The following GALNT17 variants were observed in gnomAD, a reference collection of about 807,000 sequenced individuals.
GALNT17 encodes the protein UDP-GalNAc:polypeptide N-acetylgalactosaminyltransferase-like 3.
In GALNT17, 29 loss-of-function variants were observed where a neutral mutation model predicts 63.7. The observed-to-expected ratio is 0.46, with a 90% confidence interval of 0.34 to 0.62. GALNT17 has a LOEUF of 0.62. Among genes scored for constraint, GALNT17 ranks in the 20% least tolerant of loss-of-function variants. GALNT17 has a pLI of 0.01. For synonymous variants in GALNT17, 305 were observed against 318.3 expected, an observed-to-expected ratio of 0.96 and a Z score of 0.45; for missense variants, 603 against 799.6, an observed-to-expected ratio of 0.75 and a Z score of 2.97.
chr7:71,342,991 A>G (rs181249503), intron 2 of GALNT17, among the ~76,000 whole-genome samples: 1 of 152,338 alleles, frequency 6.6e-6, no homozygotes, highest in Non-Finnish European at 1.5e-5. Flanking sequence ...TCTGGCCACT[A>G]TGTGTTGGGT....
At chr7:71,662,320 A>ATCTG (rs1279445561) in intron 6 of GALNT17, among the ~76,000 whole-genome samples, 10 of 150,630 alleles carry the variant, frequency 6.6e-5, no homozygotes, top group African/African-American at 1.9e-4. Flanking sequence ...CTCTCTGTTT[A>ATCTG]TCTATCTATC....
At chr7:71,479,194 T>A (rs1787773464) in intron 5 of GALNT17, among the ~76,000 whole-genome samples, 1 of 151,948 alleles carries the variant, frequency 6.6e-6, no homozygotes, top group Admixed American at 6.6e-5. Context: ...GGATTCAGAA[T>A]CAGTAGCTTT....
At chr7:71,614,730 GAAA>G (rs1790173392) in intron 6 of GALNT17, among the ~76,000 whole-genome samples, 1 of 150,446 alleles carries the variant, frequency 6.6e-6, no homozygotes, top group Non-Finnish European at 1.5e-5. Context: ...GAAACAGAAA[GAAA>G]AAGAAGTGGA....
chr7:71,466,872 A>C (rs1787544487), intron 5 of GALNT17, among the ~76,000 whole-genome samples: 1 of 152,086 alleles, frequency 6.6e-6, no homozygotes, highest in African/African-American at 2.4e-5. Context: ...ACAGTGATTT[A>C]TGTTTTTGCC....
chr7:71,356,774 T>C (rs1792294297), intron 2 of GALNT17, among the ~76,000 whole-genome samples: 1 of 152,146 alleles, frequency 6.6e-6, no homozygotes, highest in Non-Finnish European at 1.5e-5. Flanking sequence ...ATATAAATTC[T>C]GCAGTGAGCA....
At chr7:71,578,576 A>G (rs1472902795) in intron 6 of GALNT17, among the ~76,000 whole-genome samples, 1 of 152,108 alleles carries the variant, frequency 6.6e-6, no homozygotes, top group Non-Finnish European at 1.5e-5. Flanking sequence ...TCCTGACCTC[A>G]AGGGACTGTT....
chr7:71,484,013 G>A (rs1207526945), intron 5 of GALNT17, among the ~76,000 whole-genome samples: 4 of 151,996 alleles, frequency 2.6e-5, no homozygotes, highest in Admixed American at 6.6e-5. Flanking sequence ...AATAACACAC[G>A]CATGGAGCTG....
intron 1 of GALNT17, chr7:71,284,676 C>G (rs1469739983): frequency 6.6e-6 from 1 of 152,148 alleles, no homozygotes; most frequent in Non-Finnish European, 1.5e-5. Context: ...ATTACCCAGT[C>G]TTGACTATGT....
chr7:71,607,398 G>C (rs984070704), intron 6 of GALNT17, among the ~76,000 whole-genome samples: 1 of 152,122 alleles, frequency 6.6e-6, no homozygotes, highest in African/African-American at 2.4e-5. Context: ...CAATAAAGTC[G>C]TAAGAGTTTA....
intron 5 of GALNT17, among the ~76,000 whole-genome samples, chr7:71,559,865 A>G (rs979317467): frequency 5.4e-5 from 8 of 149,262 alleles, no homozygotes; most frequent in Non-Finnish European, 8.9e-5. Flanking sequence ...TGTCTTATGT[A>G]TTAAAAAGAA....
intron 1 of GALNT17, among the ~76,000 whole-genome samples, chr7:71,296,304 A>G (rs1235613091): frequency 6.6e-6 from 1 of 152,186 alleles, no homozygotes; most frequent in Admixed American, 6.5e-5. Context: ...ACACAGAAAC[A>G]TAGATATACT....
In GALNT17 at chr7:71,706,718, A is replaced by C. The variant is rs145476005; in HGVS notation, c.1501-4043A>C. ...ACATCTCTCTCAAGGGCACTTAATAAACTCCCTGTCCCTTGTTCAAGGAGA... is the reference window on the plus strand; with the variant it reads ...ACATCTCTCTCAAGGGCACTTAATACACTCCCTGTCCCTTGTTCAAGGAGA... On this transcript the variant is annotated intron_variant, in intron 9 of 10. Transcript: ENST00000333538. 1.1e-3 allele frequency among the ~76,000 whole-genome samples: 163 copies of C among 152,258 alleles called. 1 individual carries two copies. The highest frequency in any genetic ancestry group is 3.5e-3 in the South Asian group (17 of 4,816).
At chr7:71,485,450 G>A (rs904144144) in intron 5 of GALNT17, among the ~76,000 whole-genome samples, 6 of 152,098 alleles carry the variant, frequency 3.9e-5, no homozygotes, top group East Asian at 1.9e-4. Flanking sequence ...CTGTGCTTTC[G>A]ATTCTATCCC....
chr7:71,334,968 G>A (rs558178077), intron 1 of GALNT17, among the ~76,000 whole-genome samples: 1 of 152,210 alleles, frequency 6.6e-6, no homozygotes, highest in Admixed American at 6.5e-5. Flanking sequence ...TCTTGCTGTA[G>A]TTCCTCCTAG....
At chr7:71,345,153 T>G (rs904964266) in intron 2 of GALNT17, among the ~76,000 whole-genome samples, 2 of 151,326 alleles carry the variant, frequency 1.3e-5, no homozygotes, top group Non-Finnish European at 2.9e-5. Flanking sequence ...TTTTGTTTTT[T>G]TTTTTTGTTT....
chr7:71,402,615 C>G (rs1443435400), intron 3 of GALNT17, among the ~76,000 whole-genome samples: 1 of 151,984 alleles, frequency 6.6e-6, no homozygotes, highest in African/African-American at 2.4e-5. Context: ...ACTAATACTT[C>G]CCTGTACGAC....
intron 9 of GALNT17, among the ~76,000 whole-genome samples, chr7:71,706,982 C>T (rs546308796): frequency 2.0e-5 from 3 of 152,326 alleles, no homozygotes; most frequent in Admixed American, 2.0e-4. Context: ...TGGCAGCCAA[C>T]CATGAGGTAT....
intron 2 of GALNT17, among the ~76,000 whole-genome samples, chr7:71,384,365 G>A (rs948166080): frequency 2.6e-5 from 4 of 152,158 alleles, no homozygotes; most frequent in Non-Finnish European, 5.9e-5. Context: ...GGAAAGAGAC[G>A]ATGTGAAGAT....
intron 5 of GALNT17, among the ~76,000 whole-genome samples, chr7:71,475,590 C>T (rs1347881929): frequency 5.9e-5 from 9 of 152,148 alleles, no homozygotes; most frequent in Non-Finnish European, 8.8e-5. Context: ...TTCGCTGGCT[C>T]GCCCACCACT....
Sources: gnomAD v4.1 joint callset for allele counts (sites outside exome capture counted in the v4.1 genomes callset) on GRCh38, gnomAD v4.1.1 for gene constraint, MANE v1.5 for transcripts, NCBI Gene and HGNC (gene_info 2026-07-23, HGNC 2026-07-21) for gene names.